DLGAP2: variants seen among roughly 807,000 people sequenced by gnomAD.
DLGAP2 encodes disks large-associated protein 2.
DLGAP2 carries 26 observed loss-of-function variants against 100.3 expected under a neutral mutation model. The ratio of observed to expected loss-of-function variants is 0.26; its 90% confidence interval spans 0.19 to 0.36. The LOEUF is 0.36. Among genes scored for constraint, DLGAP2 ranks in the 10% least tolerant of loss-of-function variants. The pLI is 1.00. For synonymous variants in DLGAP2, 886 were observed against 630.1 expected (o/e 1.41, Z -6.08); for missense variants, 1,858 against 1,453.2 (o/e 1.28, Z -4.53).
intron 2 of DLGAP2, among the ~76,000 whole-genome samples, chr8:1,073,131 C>T (rs991624517): frequency 2.6e-5 from 4 of 152,182 alleles, no homozygotes; most frequent in African/African-American, 9.7e-5. Context: ...AGTTGAGGCA[C>T]GATCTGGCTT....
At chr8:1,187,317 AT>A (rs1797526935) in intron 2 of DLGAP2, among the ~76,000 whole-genome samples, 1 of 129,576 alleles carries the variant, frequency 7.7e-6, no homozygotes, top group African/African-American at 3.1e-5. Flanking sequence ...CCTCTGTGAC[AT>A]TTCCCTCACA....
At chr8:1,462,692 G>A (rs537473732) in intron 3 of DLGAP2, among the ~76,000 whole-genome samples, 3 of 152,164 alleles carry the variant, frequency 2.0e-5, no homozygotes, top group African/African-American at 4.8e-5. Flanking sequence ...AGCGTGGGTG[G>A]CTGGGGAAGG....
At chr8:799,856 C>A (rs1001796810) in intron 1 of DLGAP2, among the ~76,000 whole-genome samples, 1 of 152,210 alleles carries the variant, frequency 6.6e-6, no homozygotes, top group Non-Finnish European at 1.5e-5. Context: ...CTTGGCCTCT[C>A]AGAGTGCTGG....
At chr8:1,090,245 C>A (rs191201607) in intron 2 of DLGAP2, among the ~76,000 whole-genome samples, 2 of 138,922 alleles carry the variant, frequency 1.4e-5, no homozygotes, top group African/African-American at 5.5e-5. Flanking sequence ...TGGAAACTCA[C>A]ACCCCGAGGA....
intron 4 of DLGAP2, among the ~76,000 whole-genome samples, chr8:1,526,157 C>T (rs149645779): frequency 4.1e-4 from 62 of 151,208 alleles, no homozygotes; most frequent in South Asian, 1.5e-3. Context: ...CATGGTGTTC[C>T]CAACGGGCTT....
chr8:1,359,242 G>A (rs938360001), intron 3 of DLGAP2, among the ~76,000 whole-genome samples: 6 of 152,294 alleles, frequency 3.9e-5, no homozygotes, highest in African/African-American at 1.2e-4. Flanking sequence ...CTCCCGGGAC[G>A]CATCCCCTTC....
At chr8:1,054,284 A>G (rs775231464) in intron 2 of DLGAP2, among the ~76,000 whole-genome samples, 6 of 152,086 alleles carry the variant, frequency 3.9e-5, no homozygotes, top group Non-Finnish European at 5.9e-5. Context: ...ACACACGCAC[A>G]CACACACACC....
chr8:1,027,193 A>G (rs973958558), intron 2 of DLGAP2, among the ~76,000 whole-genome samples: 1 of 152,240 alleles, frequency 6.6e-6, no homozygotes. Context: ...TTATATAACA[A>G]CTTGTTATGA....
intron 8 of DLGAP2, among the ~76,000 whole-genome samples, chr8:1,635,627 G>A (rs1341803121): frequency 6.6e-6 from 1 of 152,166 alleles, no homozygotes; most frequent in East Asian, 1.9e-4. Context: ...ACATTCCAAA[G>A]TGAGTACCTT....
chr8:1,053,257 A>C (rs957387107), intron 2 of DLGAP2, among the ~76,000 whole-genome samples: 1 of 152,144 alleles, frequency 6.6e-6, no homozygotes, highest in Admixed American at 6.5e-5. Flanking sequence ...TATTTGGGCA[A>C]ATTATTTAAT....
intron 1 of DLGAP2, among the ~76,000 whole-genome samples, chr8:804,467 C>G (rs1796228592): frequency 6.6e-6 from 1 of 152,120 alleles, no homozygotes; most frequent in East Asian, 1.9e-4. Flanking sequence ...TCTTGGGTGA[C>G]CGATTCTCCG....
intron 1 of DLGAP2, among the ~76,000 whole-genome samples, chr8:761,524 A>C (rs1255899620): frequency 1.3e-5 from 2 of 152,184 alleles, no homozygotes; most frequent in Non-Finnish European, 2.9e-5. Flanking sequence ...AAATCTGTGG[A>C]TTTTACAATT....
intron 3 of DLGAP2, among the ~76,000 whole-genome samples, chr8:1,350,130 A>G (rs1429621118): frequency 6.6e-6 from 1 of 152,246 alleles, no homozygotes; most frequent in Non-Finnish European, 1.5e-5. Flanking sequence ...ATTAAACTGC[A>G]GGAAGAAATA....
intron 2 of DLGAP2, among the ~76,000 whole-genome samples, chr8:1,146,109 C>A (rs1399910894): frequency 6.6e-6 from 1 of 152,182 alleles, no homozygotes; most frequent in African/African-American, 2.4e-5. Context: ...ACACCCACTG[C>A]CAGGCCAGGA....
At chr8:1,008,735 C>T (rs1461956639) in intron 2 of DLGAP2, among the ~76,000 whole-genome samples, 1 of 152,182 alleles carries the variant, frequency 6.6e-6, no homozygotes, top group Non-Finnish European at 1.5e-5. Flanking sequence ...GTTCCCCGCT[C>T]CCCCACCCCA....
chr8:1,450,664 A>G (rs1033055065), intron 3 of DLGAP2, among the ~76,000 whole-genome samples: 1 of 151,836 alleles, frequency 6.6e-6, no homozygotes, highest in East Asian at 1.9e-4. Context: ...CTCTGCAATT[A>G]TGTGACACTG....
chr8:1,702,762 A>G lies in DLGAP2; in HGVS notation c.*1356A>G, dbSNP rs1799609115. 1 of 152,284 alleles carries G rather than the reference A, an allele frequency of 6.6e-6. No homozygotes were observed. Among genetic ancestry groups the G allele is most frequent in the African/African-American group, 2.4e-5 (1 of 41,444 alleles). 9.4% of individuals were successfully genotyped at this position (152,284 alleles called of 1,614,324 possible). On this transcript the variant is annotated 3_prime_UTR_variant, in exon 15 of 15. Coordinates refer to ENST00000637795, the MANE Select transcript of DLGAP2 (RefSeq NM_001346810.2). ...ACACGACTTCTGTTTCACAGTTCAGACCGGTCTTCAAAGGAAAAGCCTGTC... is the reference window on the plus strand; with the variant it reads ...ACACGACTTCTGTTTCACAGTTCAGGCCGGTCTTCAAAGGAAAAGCCTGTC...
At chr8:1,047,026 A>G (rs376762479) in intron 2 of DLGAP2, among the ~76,000 whole-genome samples, 1 of 152,170 alleles carries the variant, frequency 6.6e-6, no homozygotes, top group South Asian at 2.1e-4. Context: ...ACTCATTTCT[A>G]GTAAACATTC....
chr8:1,052,559 C>T (rs1426695785), intron 2 of DLGAP2, among the ~76,000 whole-genome samples: 3 of 152,194 alleles, frequency 2.0e-5, no homozygotes, highest in Admixed American at 2.0e-4. Flanking sequence ...CGGGGACTCA[C>T]AGGCAGGGTC....
Sources: gnomAD v4.1 joint callset for allele counts (sites outside exome capture counted in the v4.1 genomes callset) on GRCh38, gnomAD v4.1.1 for gene constraint, MANE v1.5 for transcripts, NCBI Gene and HGNC (gene_info 2026-07-23, HGNC 2026-07-21) for gene names.